The following PLA2G4E variants were observed in gnomAD, a reference collection of about 807,000 sequenced individuals.
PLA2G4E encodes the protein cytosolic phospholipase A2 epsilon.
In PLA2G4E, 84 loss-of-function variants were observed where a neutral mutation model predicts 109.1. That is an observed-to-expected ratio of 0.77 (90% confidence interval 0.65 to 0.92). The LOEUF (loss-of-function observed/expected upper bound fraction) is 0.92, where lower values mean the gene tolerates loss of function less well. Ranked by LOEUF, PLA2G4E falls within the 40% of genes least tolerant of loss-of-function variation. PLA2G4E has a pLI of 0.00. For synonymous variants in PLA2G4E, 469 were observed against 436.1 expected, an observed-to-expected ratio of 1.08 and a Z score of -0.94; for missense variants, 1,057 against 1,076.6, an observed-to-expected ratio of 0.98 and a Z score of 0.25.
chr15:42,024,813 C>T (rs1334877276), intron 1 of PLA2G4E, among the ~76,000 whole-genome samples: 4 of 152,192 alleles, frequency 2.6e-5, no homozygotes, highest in African/African-American at 9.7e-5. Context: ...CAATACCTTC[C>T]ATAAACCAGG....
intron 1 of PLA2G4E, among the ~76,000 whole-genome samples, chr15:42,028,366 A>G (rs945582149): frequency 1.0e-4 from 13 of 126,056 alleles, no homozygotes; most frequent in African/African-American, 3.9e-4. Context: ...CTGCGTTTTT[A>G]TTTTATTTAT....
intron 2 of PLA2G4E, among the ~76,000 whole-genome samples, chr15:42,013,047 C>T (rs1052296130): frequency 3.3e-5 from 5 of 152,184 alleles, no homozygotes; most frequent in South Asian, 2.1e-4. Context: ...CATTGGCCCC[C>T]GTGGCCTGGA....
intron 13 of PLA2G4E, 46 bp downstream of exon 13, chr15:41,992,691 G>A: frequency 6.4e-7 from 1 of 1,569,682 alleles, no homozygotes. Context: ...AGAGAGCCAG[G>A]CATCAGCCAG....
rs1292818268 is a variant in PLA2G4E at position 41,987,158 on chromosome 15, C to G, written c.2035+14G>C. 1 of 1,607,518 alleles carries G rather than the reference C, an allele frequency of 6.2e-7. No homozygotes were observed. The highest frequency in any genetic ancestry group is 1.7e-5 in the Admixed American group (1 of 60,002). ...TATGGAGGCAGGCCTCAAGGAGTAG[C>G]CAGGTAGGGTTACCTTTCCACCTAG... On this transcript the variant is annotated intron_variant, in intron 17 of 19. Coordinates refer to ENST00000399518, the Ensembl canonical transcript of PLA2G4E.
intron 1 of PLA2G4E, among the ~76,000 whole-genome samples, chr15:42,044,680 T>C (rs1432949622): frequency 6.7e-6 from 1 of 150,340 alleles, no homozygotes; most frequent in East Asian, 2.0e-4. Flanking sequence ...ATATACCTAA[T>C]GCTAAATGAT....
chr15:42,028,380 T>C (rs1167730967), intron 1 of PLA2G4E, among the ~76,000 whole-genome samples: 2 of 110,766 alleles, frequency 1.8e-5, no homozygotes, highest in East Asian at 2.0e-4. Flanking sequence ...TATTTATTTA[T>C]TTACTTATTT....
In PLA2G4E at chr15:41,989,566, A is replaced by G. The variant is rs569765947; in HGVS notation, c.1586-14T>C. The G allele has an allele frequency of 8.3e-5, 134 of 1,610,786 alleles. No individual in the cohort carries two copies. In the East Asian group the frequency reaches 9.8e-4, roughly 12 times the overall value. ...ACTCGAACCACTCTGCACATGAAGC[A>G]GCAGGACGGGGGTCAGTCTCAGGCC... On this transcript the variant is annotated splice_polypyrimidine_tract_variant and intron_variant, in intron 14 of 19. Coordinates refer to ENST00000399518, the Ensembl canonical transcript of PLA2G4E.
chr15:42,035,100 C>T (rs962409262), intron 1 of PLA2G4E, among the ~76,000 whole-genome samples: 2 of 152,228 alleles, frequency 1.3e-5, no homozygotes, highest in Non-Finnish European at 2.9e-5. Flanking sequence ...CTCCAGGGCA[C>T]ATCTACGGTG....
At chr15:42,021,668 G>A (rs1280381791) in intron 1 of PLA2G4E, among the ~76,000 whole-genome samples, 1 of 152,132 alleles carries the variant, frequency 6.6e-6, no homozygotes, top group Non-Finnish European at 1.5e-5. Flanking sequence ...CCCCTGCCTG[G>A]TCTCAGGACA....
At chr15:42,047,943 A>G (rs1191268841) in intron 1 of PLA2G4E, among the ~76,000 whole-genome samples, 3 of 152,246 alleles carry the variant, frequency 2.0e-5, no homozygotes, top group African/African-American at 7.2e-5. Flanking sequence ...GTAGCAAGAT[A>G]GAAAATATTA....
At chr15:41,987,099 A>T in intron 17 of PLA2G4E, 73 bp downstream of exon 17, 1 of 1,468,038 alleles carries the variant, frequency 6.8e-7, no homozygotes. Context: ...TTCTTTATCC[A>T]TGGCAGCCTT....
intron 1 of PLA2G4E, among the ~76,000 whole-genome samples, chr15:42,048,756 C>A (rs1889459670): frequency 6.6e-6 from 1 of 152,222 alleles, no homozygotes; most frequent in South Asian, 2.1e-4. Context: ...TTCAAAGAGG[C>A]TAAGGAGCTT....
intron 16 of PLA2G4E, 120 bp downstream of exon 16, chr15:41,987,929 G>A (rs1341052526): frequency 1.8e-6 from 1 of 558,588 alleles, no homozygotes. Context: ...GGAAAGCCGG[G>A]GGCCGCCCCC....
intron 1 of PLA2G4E, among the ~76,000 whole-genome samples, chr15:42,014,897 C>A (rs2068573520): frequency 6.6e-6 from 1 of 152,134 alleles, no homozygotes; most frequent in Admixed American, 6.5e-5. Flanking sequence ...GTCATGATAA[C>A]CCCAGGGGAC....
intron 1 of PLA2G4E, among the ~76,000 whole-genome samples, chr15:42,023,537 G>A (rs1399270159): frequency 6.6e-6 from 1 of 152,040 alleles, no homozygotes; most frequent in Non-Finnish European, 1.5e-5. Flanking sequence ...GGGAAGTAGG[G>A]TGGAAAGTTA....
chr15:42,009,999 G>C (rs2068516134), intron 2 of PLA2G4E: 2 of 367,476 alleles, frequency 5.4e-6, no homozygotes, highest in Non-Finnish European at 1.1e-5. Flanking sequence ...TGTGGCCACA[G>C]GATACAGGTA....
intron 1 of PLA2G4E, among the ~76,000 whole-genome samples, chr15:42,033,990 T>C (rs575844343): frequency 1.3e-5 from 2 of 152,222 alleles, no homozygotes; most frequent in African/African-American, 2.4e-5. Context: ...CTTTTTCCGG[T>C]GATGTAGAAA....
intron 1 of PLA2G4E, among the ~76,000 whole-genome samples, 180 bp from the exon 1 acceptor site, chr15:42,021,222 G>A (rs992741699): frequency 5.6e-4 from 85 of 151,842 alleles, no homozygotes; most frequent in African/African-American, 2.0e-3. Context: ...TAGAAATACA[G>A]GGACCCGCAG....
At chr15:42,000,104 C>G in exon 8 of PLA2G4E, 16 of 1,584,280 alleles carry the variant, frequency 1.0e-5, no homozygotes, top group Non-Finnish European at 1.4e-5. Context: ...CGCCTTGTAC[C>G]CCACAGCTCC....
Sources: allele counts gnomAD v4.1 joint callset (sites outside exome capture counted in the v4.1 genomes callset), GRCh38; gene constraint gnomAD v4.1.1; transcripts MANE v1.5; gene names NCBI Gene and HGNC (gene_info 2026-07-23, HGNC 2026-07-21).